The following C1orf141 variants were observed in gnomAD, a reference collection of about 807,000 sequenced individuals.
The protein encoded by C1orf141 is uncharacterized protein C1orf141.
A neutral mutation model predicts 23.2 loss-of-function variants in C1orf141; 19 were observed. The observed-to-expected ratio is 0.82, with a 90% confidence interval of 0.57 to 1.20. The LOEUF (loss-of-function observed/expected upper bound fraction) is 1.20. Among genes scored for constraint, C1orf141 ranks in the 50% most tolerant of loss-of-function variants. The pLI, the probability that C1orf141 is intolerant of heterozygous loss-of-function variation, is 0.00. For missense variants in C1orf141, 469 were observed against 455.1 expected (o/e 1.03, Z -0.28); for synonymous variants, 153 against 154.6 (o/e 0.99, Z 0.08).
At chr1:67,099,948 GTTATT>G (rs1237112267) in intron 5 of C1orf141, among the ~76,000 whole-genome samples, 1 of 152,106 alleles carries the variant, frequency 6.6e-6, no homozygotes, top group Non-Finnish European at 1.5e-5. Context: ...GCTTTTTGCA[GTTATT>G]TTAATCTATT....
intron 2 of C1orf141, among the ~76,000 whole-genome samples, chr1:67,128,390 T>C (rs1047738458): frequency 2.9e-5 from 1 of 35,068 alleles, no homozygotes; most frequent in Admixed American, 3.2e-4. Flanking sequence ...TATTTATTTA[T>C]TTATTTATTT....
At chr1:67,111,630 G>T in intron 5 of C1orf141, 3 of 1,387,398 alleles carry the variant, frequency 2.2e-6, no homozygotes, top group Non-Finnish European at 2.9e-6. Flanking sequence ...GATTTTAGAT[G>T]TTCTTCTACT....
At chr1:67,127,072 A>T in intron 3 of C1orf141, 94 bp downstream of exon 3, 1 of 767,280 alleles carries the variant, frequency 1.3e-6, no homozygotes. Flanking sequence ...TTTATATCAT[A>T]TTAATGTATC....
intron 5 of C1orf141, among the ~76,000 whole-genome samples, chr1:67,103,736 C>T (rs1206018313): frequency 6.6e-6 from 1 of 152,002 alleles, no homozygotes; most frequent in Non-Finnish European, 1.5e-5. Flanking sequence ...GAAATAAAGC[C>T]TTCTCTGTTT....
At chr1:67,103,161 T>A in intron 5 of C1orf141, 1 of 738,990 alleles carries the variant, frequency 1.4e-6, no homozygotes, top group Non-Finnish European at 2.0e-6. Flanking sequence ...TGGATAAAGA[T>A]TTTCTTAATG....
At chr1:67,138,590 A>C (rs567417391), upstream of C1orf141, among the ~76,000 whole-genome samples, 1 of 152,048 alleles carries the variant, frequency 6.6e-6, no homozygotes, top group East Asian at 1.9e-4. Context: ...TTCCAAATTC[A>C]GTCAAAACCA....
At chr1:67,136,642 C>T (rs534041250), upstream of C1orf141, among the ~76,000 whole-genome samples, 48 of 152,188 alleles carry the variant, frequency 3.2e-4, no homozygotes, top group Admixed American at 8.5e-4. Flanking sequence ...ATGTCAGGTA[C>T]TAGGCTACAA....
At chr1:67,114,350 TATAA>T (rs1646143319) in intron 5 of C1orf141, among the ~76,000 whole-genome samples, 1 of 152,148 alleles carries the variant, frequency 6.6e-6, no homozygotes, top group South Asian at 2.1e-4. Flanking sequence ...AAATTGTTCC[TATAA>T]ATAATTTTCC....
At chr1:67,137,717 T>C (rs141017912), upstream of C1orf141, among the ~76,000 whole-genome samples, 627 of 152,344 alleles carry the variant, frequency 4.1e-3, 4 homozygotes, top group African/African-American at 0.014. Flanking sequence ...ATAACATTCC[T>C]AGGGCCCAGA....
intron 4 of C1orf141, 50 bp downstream of exon 4, chr1:67,125,702 A>T: frequency 6.4e-7 from 1 of 1,563,798 alleles, no homozygotes; most frequent in South Asian, 1.1e-5. Context: ...TGTTTCACAA[A>T]CAAACAAACA....
At chr1:67,128,876 G>A (rs10889656) in intron 2 of C1orf141, among the ~76,000 whole-genome samples, 115,908 of 152,002 alleles carry the variant, frequency 0.76, 45,107 homozygotes, top group East Asian at 0.91. Flanking sequence ...TTCCAGCTCA[G>A]AAAAATCTCT....
At chr1:67,110,796 G>T (rs1362695378) in intron 5 of C1orf141, among the ~76,000 whole-genome samples, 2 of 151,238 alleles carry the variant, frequency 1.3e-5, no homozygotes, top group Non-Finnish European at 3.0e-5. Context: ...AATAAACCAT[G>T]TAGATGAAGA....
intron 4 of C1orf141, among the ~76,000 whole-genome samples, chr1:67,116,834 T>A (rs1007219422): frequency 6.6e-6 from 1 of 152,124 alleles, no homozygotes; most frequent in Non-Finnish European, 1.5e-5. Flanking sequence ...TTCATTTCAG[T>A]CTCCACTCAC....
At chr1:67,120,263 C>G (rs74081717) in intron 4 of C1orf141, among the ~76,000 whole-genome samples, 4,500 of 152,238 alleles carry the variant, frequency 0.03, 201 homozygotes, top group African/African-American at 0.1. Flanking sequence ...TTTGCCTTCA[C>G]AGGTTCACAA....
intron 5 of C1orf141, among the ~76,000 whole-genome samples, chr1:67,108,770 A>G (rs540039025): frequency 6.6e-6 from 1 of 152,258 alleles, no homozygotes; most frequent in East Asian, 1.9e-4. Flanking sequence ...TAATCCCATC[A>G]AAAAGTAGGC....
chr1:67,100,535 T>G (rs1645774371), intron 5 of C1orf141, among the ~76,000 whole-genome samples: 1 of 152,156 alleles, frequency 6.6e-6, no homozygotes, highest in South Asian at 2.1e-4. Context: ...CTTCAGCATA[T>G]AGAGCAATTA....
chr1:67,115,521 T>C (rs1371417409), intron 4 of C1orf141, 57 bp from the exon 5 acceptor site: 1 of 722,404 alleles, frequency 1.4e-6, no homozygotes, highest in African/African-American at 1.8e-5. Context: ...ACAAAATAAA[T>C]CTAAAAAATA....
intron 7 of C1orf141, chr1:67,094,723 G>A (rs1262564122): frequency 2.0e-5 from 3 of 152,542 alleles, no homozygotes; most frequent in Admixed American, 6.5e-5. Context: ...GAGAGCATGA[G>A]TTACTAAATA....
chr1:67,113,454 C>T (rs1393468630), intron 5 of C1orf141, among the ~76,000 whole-genome samples: 1 of 152,036 alleles, frequency 6.6e-6, no homozygotes, highest in Non-Finnish European at 1.5e-5. Flanking sequence ...CAACCTCTGC[C>T]TCCTGGGTTC....
Sources: allele counts gnomAD v4.1 joint callset (sites outside exome capture counted in the v4.1 genomes callset), GRCh38; gene constraint gnomAD v4.1.1; transcripts MANE v1.5; gene names NCBI Gene and HGNC (gene_info 2026-07-23, HGNC 2026-07-21).